The following THSD7A variants were observed in gnomAD, a reference collection of about 807,000 sequenced individuals.
THSD7A encodes the protein thrombospondin type 1 domain containing 7A, also known as thrombospondin type-1 domain-containing protein 7A.
A neutral mutation model predicts 231.3 loss-of-function variants in THSD7A; 96 were observed. That is an observed-to-expected ratio of 0.41 (90% CI 0.35 to 0.49). The LOEUF is 0.49. Ranked by LOEUF, THSD7A falls within the 20% of genes least tolerant of loss-of-function variation. THSD7A has a pLI of 0.05. For synonymous variants in THSD7A, 940 were observed against 743.3 expected (o/e 1.26, Z -4.30); for missense variants, 2,290 against 2,070.2 (o/e 1.11, Z -2.06).
At chr7:11,673,766 A>G (rs913137890) in intron 1 of THSD7A, among the ~76,000 whole-genome samples, 2 of 152,068 alleles carry the variant, frequency 1.3e-5, no homozygotes, top group Admixed American at 1.3e-4. Flanking sequence ...CAGGAGTCCC[A>G]CCCTTGGAAC....
intron 1 of THSD7A, among the ~76,000 whole-genome samples, chr7:11,670,908 G>A (rs1783361669): frequency 6.6e-6 from 1 of 152,122 alleles, no homozygotes; most frequent in African/African-American, 2.4e-5. Flanking sequence ...ACATTTTCTT[G>A]ACAGATCAGC....
intron 2 of THSD7A, among the ~76,000 whole-genome samples, chr7:11,622,737 A>G (rs904651582): frequency 6.6e-6 from 1 of 152,174 alleles, no homozygotes; most frequent in African/African-American, 2.4e-5. Flanking sequence ...AAATTGTCCC[A>G]CTCAATATTA....
intron 1 of THSD7A, among the ~76,000 whole-genome samples, chr7:11,751,902 C>T (rs749197700): frequency 6.6e-6 from 1 of 152,024 alleles, no homozygotes; most frequent in Non-Finnish European, 1.5e-5. Flanking sequence ...TTTACTTACT[C>T]CACACATAAT....
At chr7:11,820,843 A>ATAAG in intron 1 of THSD7A, 1 of 961,088 alleles carries the variant, frequency 1.0e-6, no homozygotes, top group Non-Finnish European at 1.7e-6. Context: ...TTGATCCTTT[A>ATAAG]TAAGTTTTCT....
intron 13 of THSD7A, among the ~76,000 whole-genome samples, chr7:11,442,666 A>C (rs1784843022): frequency 6.6e-6 from 1 of 152,102 alleles, no homozygotes; most frequent in African/African-American, 2.4e-5. Flanking sequence ...GAACATATTT[A>C]AGGAAAGCAG....
chr7:11,708,640 A>G (rs117963433), intron 1 of THSD7A, among the ~76,000 whole-genome samples: 15,196 of 150,738 alleles, frequency 0.1, 953 homozygotes, highest in South Asian at 0.16. Context: ...CTGAATTGCT[A>G]TGACATTATT....
At chr7:11,389,536 C>T (rs1403088667) in intron 23 of THSD7A, among the ~76,000 whole-genome samples, 1 of 146,708 alleles carries the variant, frequency 6.8e-6, no homozygotes, top group African/African-American at 2.5e-5. Context: ...GATGGGTCTC[C>T]TGAACACAGC....
intron 1 of THSD7A, among the ~76,000 whole-genome samples, chr7:11,695,270 G>A (rs984946077): frequency 1.3e-5 from 2 of 151,456 alleles, no homozygotes; most frequent in Non-Finnish European, 3.0e-5. Flanking sequence ...TTAGGATATC[G>A]AGAGTCTAGA....
At chr7:11,592,264 T>C (rs6967618) in intron 3 of THSD7A, among the ~76,000 whole-genome samples, 1 of 151,710 alleles carries the variant, frequency 6.6e-6, no homozygotes. Flanking sequence ...AACATTACTA[T>C]TTTTTTTGTT....
intron 16 of THSD7A, among the ~76,000 whole-genome samples, chr7:11,420,346 A>C (rs1248077630): frequency 6.6e-6 from 1 of 152,196 alleles, no homozygotes; most frequent in Non-Finnish European, 1.5e-5. Context: ...GGCACCTTGC[A>C]ACCCAGTCTC....
At chr7:11,407,654 T>C (rs1426996821) in intron 19 of THSD7A, among the ~76,000 whole-genome samples, 1 of 152,136 alleles carries the variant, frequency 6.6e-6, no homozygotes, top group African/African-American at 2.4e-5. Context: ...TCTATACTTA[T>C]GTATTGTTTA....
At chr7:11,529,012 A>G (rs961065930) in intron 6 of THSD7A, among the ~76,000 whole-genome samples, 12 of 152,192 alleles carry the variant, frequency 7.9e-5, no homozygotes. Context: ...GCCCACAGTC[A>G]GTAGCTTGTT....
chr7:11,603,028 G>A (rs4642537), intron 2 of THSD7A, among the ~76,000 whole-genome samples: 52,487 of 149,254 alleles, frequency 0.35, 9,376 homozygotes, highest in African/African-American at 0.37. Context: ...TTGACAAATG[G>A]GATCTAATTA....
At chr7:11,568,612 G>A (rs1334888219) in intron 4 of THSD7A, among the ~76,000 whole-genome samples, 3 of 94,358 alleles carry the variant, frequency 3.2e-5, no homozygotes, top group African/African-American at 8.2e-5. Context: ...GTGACAGAGT[G>A]AAACTCCGTC....
chr7:11,594,335 AAGAC>A (rs1199934307), intron 2 of THSD7A, among the ~76,000 whole-genome samples: 9 of 152,284 alleles, frequency 5.9e-5, no homozygotes, highest in Admixed American at 5.9e-4. Context: ...AACCCTGACT[AAGAC>A]AGATTTTGGT....
chr7:11,612,636 A>G (rs1195309705), intron 2 of THSD7A, among the ~76,000 whole-genome samples: 1 of 152,210 alleles, frequency 6.6e-6, no homozygotes, highest in East Asian at 1.9e-4. Flanking sequence ...ATTGAGTCAG[A>G]CATTTTAATA....
chr7:11,535,034 C>A (rs992370750), intron 6 of THSD7A, among the ~76,000 whole-genome samples: 5 of 152,130 alleles, frequency 3.3e-5, no homozygotes, highest in Admixed American at 6.5e-5. Context: ...TACCCACCAC[C>A]TATGACAAAG....
rs537269794 is a variant in THSD7A at position 11,772,901 on chromosome 7, A to T, written c.190+58856T>A. On this transcript the variant is annotated intron_variant, in intron 1 of 27. Coordinates refer to ENST00000423059, the MANE Select transcript of THSD7A (RefSeq NM_015204.3). Reference sequence around the variant, plus strand: ...AAAAAAGTTCATTTTGATAAATAAAATCCAACAACAGTCAAGATAATTTCA... The same window carrying T: ...AAAAAAGTTCATTTTGATAAATAAATTCCAACAACAGTCAAGATAATTTCA... Among the ~76,000 whole-genome samples, 14 of 152,306 alleles carry T rather than the reference A, an allele frequency of 9.2e-5. No individual in the cohort carries two copies. The East Asian group carries it at 2.7e-3, about 29-fold the overall frequency.
At chr7:11,529,598 C>T (rs1242180772) in intron 6 of THSD7A, among the ~76,000 whole-genome samples, 1 of 64,916 alleles carries the variant, frequency 1.5e-5, no homozygotes, top group Non-Finnish European at 2.8e-5. Context: ...GGCAGTTCCC[C>T]CTTTGCTCTC....
Sources: allele counts gnomAD v4.1 joint callset (sites outside exome capture counted in the v4.1 genomes callset), GRCh38; gene constraint gnomAD v4.1.1; transcripts MANE v1.5; gene names NCBI Gene and HGNC (gene_info 2026-07-23, HGNC 2026-07-21).